NOCT: variants seen among roughly 807,000 people sequenced by gnomAD.
NOCT encodes the protein CCR4 carbon catabolite repression 4-like.
In NOCT, 18 loss-of-function variants were observed where a neutral mutation model predicts 35.0. The ratio of observed to expected loss-of-function variants is 0.51; its 90% confidence interval spans 0.36 to 0.76. NOCT has a LOEUF of 0.76. Among genes scored for constraint, NOCT ranks in the 30% least tolerant of loss-of-function variants. The pLI is 0.01. For synonymous variants in NOCT, 235 were observed against 226.3 expected (o/e 1.04, Z -0.34); for missense variants, 479 against 541.0 (o/e 0.89, Z 1.14).
Position 139,045,047 on chromosome 4 carries a change from G to A in NOCT, c.869G>A (p.Arg290His), listed in dbSNP as rs745543266. 5.0e-6 allele frequency: 8 copies of A among 1,614,216 alleles called. No individual in the cohort carries two copies. Among genetic ancestry groups the A allele is most frequent in the East Asian group, 4.5e-5 (2 of 44,892 alleles). The change falls in exon 3 of 3, where the codon CGC becomes CAC. Residue 290 changes from arginine (R) to histidine (H), a missense_variant. Physicochemically the swap from Arg to His is conservative, Grantham distance 29. Coordinates refer to ENST00000280614, the MANE Select transcript of NOCT (RefSeq NM_012118.4). ...ATCGCTGTTACCCATCTAAAAGCAC[G>A]CACTGGCTGGGAGCGGTTTCGATCA... The part of the protein sequence containing the change: ...FCIAVTHLKA[R>H]TGWERFRSAQ...
chr4:139,017,921 A>G (rs1014744124), intron 1 of NOCT, among the ~76,000 whole-genome samples: 1 of 152,210 alleles, frequency 6.6e-6, no homozygotes, highest in Admixed American at 6.5e-5. Flanking sequence ...TTCCCAATCT[A>G]GTATCAAACT....
intron 1 of NOCT, among the ~76,000 whole-genome samples, chr4:139,037,194 C>T (rs141214386): frequency 6.6e-6 from 1 of 152,300 alleles, no homozygotes; most frequent in East Asian, 1.9e-4. Flanking sequence ...ATAGTAAACA[C>T]TTCCTAATGA....
intron 1 of NOCT, among the ~76,000 whole-genome samples, chr4:139,024,045 CTTTT>C (rs368349308): frequency 0.031 from 4,047 of 130,940 alleles, 64 homozygotes; most frequent in Non-Finnish European, 0.045. Context: ...TCTATTCATC[CTTTT>C]TTTTTTTTTT....
At chr4:139,043,605 C>T (rs1411952383) in intron 2 of NOCT, 9 of 360,862 alleles carry the variant, frequency 2.5e-5, no homozygotes, top group Non-Finnish European at 4.0e-5. Flanking sequence ...GAATAAACCA[C>T]GAGTTACTTG....
chr4:139,035,925 G>A (rs1251891826), intron 1 of NOCT, among the ~76,000 whole-genome samples: 1 of 152,076 alleles, frequency 6.6e-6, no homozygotes, highest in Non-Finnish European at 1.5e-5. Context: ...TCAGTCTCCA[G>A]TGAGGCTATT....
chr4:139,020,145 A>AC (rs1302937171), intron 1 of NOCT, among the ~76,000 whole-genome samples: 2 of 152,200 alleles, frequency 1.3e-5, no homozygotes, highest in Non-Finnish European at 2.9e-5. Context: ...AACATGGTGA[A>AC]CTGGGGTTCT....
intron 1 of NOCT, among the ~76,000 whole-genome samples, chr4:139,016,970 A>AT (rs56237553): frequency 1.2e-4 from 16 of 131,054 alleles, no homozygotes; most frequent in African/African-American, 4.3e-4. Context: ...GTTTCTTTGG[A>AT]TTTTTTTTTT....
chr4:139,043,812 GGC>G (rs1431423892), intron 2 of NOCT: 4 of 153,542 alleles, frequency 2.6e-5, no homozygotes, highest in African/African-American at 9.7e-5. Context: ...CTACTCGGGA[GGC>G]TGAGGCAGGA....
chr4:139,016,638 GTTGTTT>G lies in NOCT; in HGVS notation c.190+470_190+475del, dbSNP rs1560727608. On this transcript the variant is annotated intron_variant, in intron 1 of 2. Coordinates refer to ENST00000280614, the MANE Select transcript of NOCT (RefSeq NM_012118.4). Reference sequence around the variant, plus strand: ...ATAATAACACATTGATTCGTTTTACGTTGTTTTTTTTTTTTTTTTTTTTTTTTTTTT... The same window carrying G: ...ATAATAACACATTGATTCGTTTTACGTTTTTTTTTTTTTTTTTTTTTTTTT... Among the ~76,000 whole-genome samples, 25 of 50,826 alleles carry G rather than the reference GTTGTTT, an allele frequency of 4.9e-4. 1 individual carries two copies. The highest frequency in any genetic ancestry group is 8.3e-4 in the African/African-American group (12 of 14,446). The allele number at this position is 50,826 out of a possible 152,430, so 33.3% of individuals were successfully genotyped here.
In NOCT at chr4:139,022,195, CTAAGA is replaced by C. The variant is rs1401518143; in HGVS notation, c.190+6027_190+6031del. Among the ~76,000 whole-genome samples the C allele has an allele frequency of 8.5e-5, 13 of 152,308 alleles. No individual in the cohort carries two copies. In the East Asian group the frequency reaches 2.5e-3, roughly 29 times the overall value. ...CTGTTTGGACTTCCACGGAAAGCAG[CTAAGA>C]TACTTTTTATTTATTGTTATTCTTA... On this transcript the variant is annotated intron_variant, in intron 1 of 2. Transcript: ENST00000280614.
At chr4:139,030,696 G>T (rs535756441) in intron 1 of NOCT, among the ~76,000 whole-genome samples, 13 of 152,268 alleles carry the variant, frequency 8.5e-5, no homozygotes, top group African/African-American at 3.1e-4. Flanking sequence ...TGGTTATCTT[G>T]TGTGAATTCT....
chr4:139,015,945 G>T lies in NOCT; in HGVS notation c.-37G>T. ...CGGCCCCAGCCGGGCTCCGCTCCTC[G>T]GGCGCGCGAGGGGCCGTGGTGGCGG... On this transcript the variant is annotated 5_prime_UTR_variant, in exon 1 of 3. Transcript: ENST00000280614. 1 of 1,307,190 alleles carries T rather than the reference G, an allele frequency of 7.6e-7. No homozygotes were observed. The highest frequency in any genetic ancestry group is 2.1e-5 in the South Asian group (1 of 48,196). The allele number at this position is 1,307,190 out of a possible 1,614,324, so 81.0% of individuals were successfully genotyped here.
chr4:139,038,987 GTTA>G (rs1438395658), intron 1 of NOCT, among the ~76,000 whole-genome samples: 1 of 151,996 alleles, frequency 6.6e-6, no homozygotes, highest in African/African-American at 2.4e-5. Context: ...AAATGGTCCT[GTTA>G]ATGTATTCGT....
Position 139,015,958 on chromosome 4 carries a change from G to T in NOCT, c.-24G>T. The T allele has an allele frequency of 7.5e-7, 1 of 1,331,848 alleles. No individual in the cohort carries two copies. The highest frequency in any genetic ancestry group is 3.2e-5 in the East Asian group (1 of 31,180). 82.5% of individuals were successfully genotyped at this position (1,331,848 alleles called of 1,614,324 possible). ...GCTCCGCTCCTCGGGCGCGCGAGGG[G>T]CCGTGGTGGCGGCGGCGCCCGGCAT... is the stretch of plus-strand genomic sequence containing the variant. On this transcript the variant is annotated 5_prime_UTR_variant, in exon 1 of 3. Coordinates refer to ENST00000280614, the MANE Select transcript of NOCT (RefSeq NM_012118.4).
intron 1 of NOCT, among the ~76,000 whole-genome samples, chr4:139,033,641 C>T (rs1282039514): frequency 6.6e-6 from 1 of 150,752 alleles, no homozygotes; most frequent in Non-Finnish European, 1.5e-5. Flanking sequence ...CATTGTGCTC[C>T]AACTCCAGCC....
chr4:139,027,371 G>A (rs1053420897), intron 1 of NOCT, among the ~76,000 whole-genome samples: 1 of 151,930 alleles, frequency 6.6e-6, no homozygotes, highest in Admixed American at 6.6e-5. Flanking sequence ...TAGAGCAGAG[G>A]TTGGCAAACT....
At chr4:139,027,864 A>G (rs1726552346) in intron 1 of NOCT, among the ~76,000 whole-genome samples, 1 of 152,158 alleles carries the variant, frequency 6.6e-6, no homozygotes, top group Admixed American at 6.6e-5. Flanking sequence ...ACTGTTCTTA[A>G]GGTTCCCCCC....
At chr4:139,039,395 G>A (rs1392994027) in intron 1 of NOCT, among the ~76,000 whole-genome samples, 2 of 151,160 alleles carry the variant, frequency 1.3e-5, no homozygotes, top group African/African-American at 4.9e-5. Flanking sequence ...AGACCACTTG[G>A]TGTTGGTCAT....
At chr4:139,044,003 T>TATATATATATATATATATATATATATAC (rs1405359118) in intron 2 of NOCT, 8 of 147,076 alleles carry the variant, frequency 5.4e-5, no homozygotes, top group African/African-American at 1.8e-4. Flanking sequence ...TATATATATA[T>TATATATATATATATATATATATATATAC]ACACTTTGTT....
Sources: allele counts gnomAD v4.1 joint callset (sites outside exome capture counted in the v4.1 genomes callset), GRCh38; gene constraint gnomAD v4.1.1; transcripts MANE v1.5; gene names NCBI Gene and HGNC (gene_info 2026-07-23, HGNC 2026-07-21).